P2RX4: variants seen among roughly 807,000 people sequenced by gnomAD.
P2RX4 encodes the protein P2X purinoceptor 4.
In P2RX4, 37 loss-of-function variants were observed where a neutral mutation model predicts 48.0. The ratio of observed to expected loss-of-function variants is 0.77; its 90% CI spans 0.59 to 1.01. P2RX4 has a LOEUF of 1.01. P2RX4 is among the 50% of genes least tolerant of loss of function. The pLI is 0.00. For synonymous variants in P2RX4, 200 were observed against 199.7 expected, an observed-to-expected ratio of 1.00 and a Z score of -0.01; for missense variants, 501 against 521.4, an observed-to-expected ratio of 0.96 and a Z score of 0.38.
chr12:121,219,546 A>G (rs993712808), intron 2 of P2RX4, among the ~76,000 whole-genome samples: 3 of 151,890 alleles, frequency 2.0e-5, no homozygotes, highest in Non-Finnish European at 1.5e-5. Context: ...CCTGGGCAAT[A>G]TAGTGAGACC....
rs1353459260 is a variant in P2RX4 at position 121,228,382 on chromosome 12, AAAAAT to A, written c.525-149_525-145del. ...GACTCCATCTCAAAAAAAAAAAAAA[AAAAAT>A]ATATATATATATATATATACACACA... On this transcript the variant is annotated intron_variant, in intron 5 of 11. Transcript: ENST00000337233. The A allele has an allele frequency of 6.6e-3, 1,289 of 195,158 alleles. 14 individuals are homozygous for A. Among genetic ancestry groups the A allele is most frequent in the African/African-American group, 0.03 (1,103 of 36,474 alleles). The allele number at this position is 195,158 out of a possible 1,614,324, so 12.1% of individuals were successfully genotyped here.
At chr12:121,211,810 G>A (rs2136210103) in intron 1 of P2RX4, among the ~76,000 whole-genome samples, 1 of 152,260 alleles carries the variant, frequency 6.6e-6, no homozygotes, top group South Asian at 2.1e-4. Flanking sequence ...GAGTAGCTGG[G>A]ATTACAGGCA....
chr12:121,223,699 C>A (rs953692782), intron 5 of P2RX4, among the ~76,000 whole-genome samples: 3 of 152,236 alleles, frequency 2.0e-5, no homozygotes, highest in African/African-American at 7.2e-5. Context: ...CACACATACA[C>A]ATGCGTGCAC....
chr12:121,222,931 A>G lies in P2RX4; in HGVS notation c.428-16A>G. 3 of 1,588,792 alleles carry G rather than the reference A, an allele frequency of 1.9e-6. No homozygotes were observed. The highest frequency in any genetic ancestry group is 2.6e-6 in the Non-Finnish European group (3 of 1,157,518). The stretch of plus-strand genomic sequence containing the variant: ...CCTGTGGACATGGGACCCCCCTGCC[A>G]CCCTTGTGCTTGTAGGAGTCTCAAC... On this transcript the variant is annotated splice_polypyrimidine_tract_variant and intron_variant, in intron 4 of 11. Transcript: ENST00000337233.
chr12:121,225,536 C>G (rs1002977569), intron 5 of P2RX4, among the ~76,000 whole-genome samples: 2 of 152,014 alleles, frequency 1.3e-5, no homozygotes, highest in African/African-American at 4.8e-5. Context: ...TCAGCCTCCC[C>G]AGTAGCTGGG....
intron 5 of P2RX4, chr12:121,223,462 G>A (rs1448987114): frequency 4.8e-6 from 1 of 207,786 alleles, no homozygotes; most frequent in Non-Finnish European, 9.9e-6. Context: ...CCTGTGTGTT[G>A]TGGCTTTTTG....
At chr12:121,217,851 A>G (rs1886337147) in intron 2 of P2RX4, among the ~76,000 whole-genome samples, 1 of 152,150 alleles carries the variant, frequency 6.6e-6, no homozygotes. Flanking sequence ...ACAGCAGCAC[A>G]GGACTCCATC....
At position 121,228,617 on chromosome 12, in the gene P2RX4, A is replaced by G. The variant is rs948616625; in HGVS notation, c.605+4A>G. ...ATCCCAAATTTAATTTCAGCAAGTA[A>G]GTGGTGGCCAGGTGTGTGAGTTCAC... On this transcript the variant is annotated splice_donor_region_variant and intron_variant, in intron 6 of 11. Coordinates refer to ENST00000337233, the MANE Select transcript of P2RX4 (RefSeq NM_002560.3). The G allele has an allele frequency of 1.9e-6, 3 of 1,613,408 alleles. No individual in the cohort carries two copies. The Admixed American group carries it at 5.0e-5, about 27-fold the overall frequency.
intron 2 of P2RX4, among the ~76,000 whole-genome samples, chr12:121,218,413 G>A (rs756593962): frequency 1.3e-5 from 2 of 152,134 alleles, no homozygotes; most frequent in Non-Finnish European, 2.9e-5. Context: ...GAACCTGGGA[G>A]GCGGAGGTTG....
In P2RX4 at chr12:121,232,749, T is replaced by G; in HGVS notation, c.1044+73T>G. On this transcript the variant is annotated intron_variant, in intron 10 of 11. Coordinates refer to ENST00000337233, the MANE Select transcript of P2RX4 (RefSeq NM_002560.3). The surrounding 1 kb of genome is among the most constrained non-coding windows in gnomAD (Gnocchi z 4.3). ...TGGGCTGGGGTCCTGGTCCTGGCCC[T>G]AGGCCCTAGACCTCAGATGTGTTTC... The G allele has an allele frequency of 6.3e-6, 8 of 1,275,234 alleles. No homozygotes were observed. The highest frequency in any genetic ancestry group is 8.0e-6 in the Non-Finnish European group (7 of 873,532). The allele number at this position is 1,275,234 out of a possible 1,614,324, so 79.0% of individuals were successfully genotyped here. A position where few individuals can be genotyped will look rare whatever the true frequency, so the allele number is the denominator to read the frequency against.
chr12:121,229,145 G>C lies in P2RX4; in HGVS notation c.884+46G>C. 6.2e-7 allele frequency: 1 copy of C among 1,612,534 alleles called. No individual in the cohort carries two copies. The highest frequency in any genetic ancestry group is 8.5e-7 in the Non-Finnish European group (1 of 1,179,062). ...CTCGCTCATGTTGTAGGGGGTGCTG[G>C]TGGCTGCGTACGTGCCAGTGGGCCG... On this transcript the variant is annotated intron_variant, in intron 8 of 11. Coordinates refer to ENST00000337233, the MANE Select transcript of P2RX4 (RefSeq NM_002560.3). The surrounding 1 kb of genome is among the most constrained non-coding windows in gnomAD (Gnocchi z 4.6).
Position 121,229,823 on chromosome 12 carries a change from C to T in P2RX4, c.884+724C>T, listed in dbSNP as rs1887226885. 6.6e-6 allele frequency among the ~76,000 whole-genome samples: 1 copy of T among 152,192 alleles called. No individual in the cohort carries two copies. Among genetic ancestry groups the T allele is most frequent in the Non-Finnish European group, 1.5e-5 (1 of 68,028 alleles). On this transcript the variant is annotated intron_variant, in intron 8 of 11. Transcript: ENST00000337233. This position sits in a 1 kb window ranked among gnomAD's most constrained non-coding sequence, Gnocchi z 4.6. ...TGCATCACTCCAGTCTCTGCCTCTCCTGTCATGAGGCCTTCTGCCTTGTAT... is the reference window on the plus strand; with the variant it reads ...TGCATCACTCCAGTCTCTGCCTCTCTTGTCATGAGGCCTTCTGCCTTGTAT...
intron 5 of P2RX4, among the ~76,000 whole-genome samples, chr12:121,223,690 A>G (rs1170586498): frequency 6.6e-6 from 1 of 152,252 alleles, no homozygotes. Flanking sequence ...AAACACATAC[A>G]CACATACACA....
At chr12:121,223,203 T>C (rs1443398559) in intron 5 of P2RX4, 160 bp downstream of exon 5, 3 of 612,534 alleles carry the variant, frequency 4.9e-6, no homozygotes, top group Non-Finnish European at 8.9e-6. Flanking sequence ...GCCTCCCGAG[T>C]AGCTGAGATT....
In P2RX4 at chr12:121,228,825, G is replaced by A. The variant is rs1289192635; in HGVS notation, c.706G>A (p.Val236Met). The A allele has an allele frequency of 6.2e-7, 1 of 1,614,188 alleles. No homozygotes were observed. The highest frequency in any genetic ancestry group is 1.3e-5 in the African/African-American group (1 of 75,040). The change falls in exon 7 of 12, where the codon GTG becomes ATG. Residue 236 changes from valine to methionine, a missense_variant. This residue lies in a region of P2RX4 where 197 missense variants were observed against 219.5 expected (regional missense o/e 0.90). Coordinates refer to ENST00000337233, the MANE Select transcript of P2RX4 (RefSeq NM_002560.3). ...FCPIFRLGKI[V>M]ENAGHSFQDM... ...CCCCATATTCCGTCTTGGCAAAATAGTGGAGAACGCAGGACACAGTTTCCA... is the reference window on the plus strand; with the variant it reads ...CCCCATATTCCGTCTTGGCAAAATAATGGAGAACGCAGGACACAGTTTCCA...
intron 1 of P2RX4, among the ~76,000 whole-genome samples, chr12:121,212,440 TAA>T (rs1279954850): frequency 6.8e-6 from 1 of 147,052 alleles, no homozygotes; most frequent in Non-Finnish European, 1.5e-5. Flanking sequence ...AAGAGAAAAA[TAA>T]AGTTTAAAAT....
chr12:121,233,629 C>G lies in P2RX4; in HGVS notation c.*80C>G, dbSNP rs1292402891. The G allele has an allele frequency of 6.4e-7, 1 of 1,560,542 alleles. No individual in the cohort carries two copies. The highest frequency in any genetic ancestry group is 1.4e-5 in the African/African-American group (1 of 73,586). ...GGAGGGAGAAATGGCCACCACATCA[C>G]CCCAGAGAAATTTCTGGAATCTGAT... On this transcript the variant is annotated 3_prime_UTR_variant, in exon 12 of 12. Transcript: ENST00000337233.
In P2RX4 at chr12:121,233,686, C is replaced by T. The variant is rs2136251630; in HGVS notation, c.*137C>T. 2.6e-6 allele frequency: 4 copies of T among 1,530,456 alleles called. No individual in the cohort carries two copies. Among genetic ancestry groups the T allele is most frequent in the Middle Eastern group, 1.7e-4 (1 of 5,914 alleles). The allele number at this position is 1,530,456 out of a possible 1,614,324, so 94.8% of individuals were successfully genotyped here. A position where few individuals can be genotyped will look rare whatever the true frequency, so the allele number is the denominator to read the frequency against. ...TCCACTCCACAAGCACTCAGGGTTC[C>T]CCAGCAGCTCCTGTGTGTTGTGTGC... On this transcript the variant is annotated 3_prime_UTR_variant, in exon 12 of 12. Coordinates refer to ENST00000337233, the MANE Select transcript of P2RX4 (RefSeq NM_002560.3).
At chr12:121,228,381 A>AT (rs1465360948) in intron 5 of P2RX4, 152 bp from the exon 6 acceptor site, 2,987 of 200,882 alleles carry the variant, frequency 0.015, 33 homozygotes, top group South Asian at 0.035. Context: ...AAAAAAAAAA[A>AT]AAAAATATAT....
Sources: allele counts gnomAD v4.1 joint callset (sites outside exome capture counted in the v4.1 genomes callset), GRCh38; gene constraint gnomAD v4.1.1; regional missense constraint gnomAD v4.1.1; non-coding constraint Gnocchi (gnomAD v3.1); transcripts MANE v1.5; gene names NCBI Gene and HGNC (gene_info 2026-07-23, HGNC 2026-07-21).